Variants in ACAP1 observed in about 807,000 individuals in gnomAD.
ACAP1 encodes ArfGAP with coiled-coil, ankyrin repeat and PH domains 1, also known as arf-GAP with coiled-coil, ANK repeat and PH domain-containing protein 1.
Under a neutral mutation model 98.8 loss-of-function variants are expected in ACAP1, and 45 were observed. That is an observed-to-expected ratio of 0.46 (90% CI 0.36 to 0.58). The LOEUF is 0.58. Among genes scored for constraint, ACAP1 ranks in the 20% least tolerant of loss-of-function variants. The pLI is 0.00. For missense variants in ACAP1, 735 were observed against 971.4 expected (o/e 0.76, Z 3.24); for synonymous variants, 362 against 375.3 (o/e 0.96, Z 0.41).
chr17:7,348,594 C>A, intron 17 of ACAP1, 119 bp downstream of exon 17: 2 of 1,163,074 alleles, frequency 1.7e-6, no homozygotes, highest in Non-Finnish European at 2.3e-6. Flanking sequence ...TCGGAGGGAC[C>A]GGACTGCCGT....
Position 7,342,341 on chromosome 17 carries a change from A to C in ACAP1, c.285+13A>C. 1 of 1,614,144 alleles carries C rather than the reference A, an allele frequency of 6.2e-7. No individual in the cohort carries two copies. The highest frequency in any genetic ancestry group is 8.5e-7 in the Non-Finnish European group (1 of 1,180,006). On this transcript the variant is annotated intron_variant, in intron 4 of 21. Transcript: ENST00000158762. ...GGACAGCCATGCGGTAAGTAGGGGA[A>C]GGTAAGGATTGTCGGGGTGGTGGCC...
chr17:7,345,092 C>T (rs562535263), intron 10 of ACAP1, among the ~76,000 whole-genome samples: 2 of 152,072 alleles, frequency 1.3e-5, no homozygotes, highest in South Asian at 2.1e-4. Context: ...GAGATGAAAT[C>T]GGAGCTAATG....
At chr17:7,338,996 TAAC>T (rs2073248194) in intron 2 of ACAP1, among the ~76,000 whole-genome samples, 1 of 150,388 alleles carries the variant, frequency 6.6e-6, no homozygotes, top group Non-Finnish European at 1.5e-5. Flanking sequence ...ACATTACAAT[TAAC>T]AATAAACTCG....
intron 21 of ACAP1, 138 bp from the exon 22 acceptor site, chr17:7,351,157 G>C (rs2073406104): frequency 1.2e-5 from 13 of 1,100,882 alleles, no homozygotes; most frequent in African/African-American, 1.6e-5. Flanking sequence ...GCAAGGCATA[G>C]GTGCTGGCGC....
Position 7,343,800 on chromosome 17 carries a change from C to T in ACAP1, c.573+50C>T. On this transcript the variant is annotated intron_variant, in intron 7 of 21. Coordinates refer to ENST00000158762, the MANE Select transcript of ACAP1 (RefSeq NM_014716.4). This position sits in a 1 kb window ranked among gnomAD's most constrained non-coding sequence, Gnocchi z 4.9. ...AGGGTGGAGAAGAGCCTGCTGCCAG[C>T]ACAAGGGAATGGGGAGAGGGGTTCT... 6.2e-7 allele frequency: 1 copy of T among 1,613,240 alleles called. No individual in the cohort carries two copies. Among genetic ancestry groups the T allele is most frequent in the Non-Finnish European group, 8.5e-7 (1 of 1,179,574 alleles).
chr17:7,348,543 G>A (rs534504629), intron 17 of ACAP1, 68 bp downstream of exon 17: 1 of 1,426,676 alleles, frequency 7.0e-7, no homozygotes, highest in East Asian at 2.5e-5. Context: ...GTAGCGCCGG[G>A]AGGCACAGAG....
chr17:7,350,425 T>C lies in ACAP1; in HGVS notation c.2072+188T>C, dbSNP rs1191254738. The C allele has an allele frequency of 5.1e-6, 3 of 587,542 alleles. No homozygotes were observed. Among genetic ancestry groups the C allele is most frequent in the Admixed American group, 6.1e-5 (2 of 32,808 alleles). 36.4% of individuals were successfully genotyped at this position (587,542 alleles called of 1,614,324 possible). A position where few individuals can be genotyped will look rare whatever the true frequency, so the allele number is the denominator to read the frequency against. ...GCGAAGTGTGCACTGGGACGTGGAG[T>C]AGAAGGCAGGCGGGAGGGCGGGCAG... On this transcript the variant is annotated intron_variant, in intron 20 of 21. Coordinates refer to ENST00000158762, the MANE Select transcript of ACAP1 (RefSeq NM_014716.4). The surrounding 1 kb of genome is among the most constrained non-coding windows in gnomAD (Gnocchi z 4.6).
At position 7,350,843 on chromosome 17, in the gene ACAP1, C is replaced by G; in HGVS notation, c.2073-107C>G. The G allele has an allele frequency of 9.1e-7, 1 of 1,094,068 alleles. No individual in the cohort carries two copies. 67.8% of individuals were successfully genotyped at this position (1,094,068 alleles called of 1,614,324 possible). Reference sequence around the variant, plus strand: ...GCCAGGACGGTCTCGATCTCCTGACCTCGTGATCCGCCTGCCTCGGCCTCC... The same window carrying G: ...GCCAGGACGGTCTCGATCTCCTGACGTCGTGATCCGCCTGCCTCGGCCTCC... On this transcript the variant is annotated intron_variant, in intron 20 of 21. Coordinates refer to ENST00000158762, the MANE Select transcript of ACAP1 (RefSeq NM_014716.4). This position sits in a 1 kb window ranked among gnomAD's most constrained non-coding sequence, Gnocchi z 4.6.
rs2073325868 is a variant in ACAP1 at position 7,344,180 on chromosome 17, G to A, written c.744+57G>A. On this transcript the variant is annotated intron_variant, in intron 9 of 21. Coordinates refer to ENST00000158762, the MANE Select transcript of ACAP1 (RefSeq NM_014716.4). The surrounding 1 kb of genome is among the most constrained non-coding windows in gnomAD (Gnocchi z 4.9). ...TCATCCCAACATGTTGGGAGGCTGA[G>A]GTGGGAAGATTGCTTGAGGCCTGGA... The A allele has an allele frequency of 5.9e-6, 9 of 1,529,306 alleles. No individual in the cohort carries two copies. Among genetic ancestry groups the A allele is most frequent in the Admixed American group, 2.0e-5 (1 of 50,872 alleles). The allele number at this position is 1,529,306 out of a possible 1,614,324, so 94.7% of individuals were successfully genotyped here.
At chr17:7,348,052 G>A in intron 15 of ACAP1, 61 bp downstream of exon 15, 2 of 1,610,274 alleles carry the variant, frequency 1.2e-6, no homozygotes, top group Non-Finnish European at 1.7e-6. Flanking sequence ...GGACATGGCG[G>A]TGCAGGGGCG....
At position 7,342,008 on chromosome 17, in the gene ACAP1, G is replaced by T. The variant is rs1256701079; in HGVS notation, c.172G>T (p.Ala58Ser). Residue 58 changes from alanine to serine, a missense_variant, in exon 3 of 22, where the codon GCC (alanine) becomes TCC (serine). This residue lies in a region of ACAP1 where 430 missense variants were observed against 531.8 expected (regional missense o/e 0.81). Coordinates refer to ENST00000158762, the MANE Select transcript of ACAP1 (RefSeq NM_014716.4). ...SGRHYLAASR[A>S]FVVGICDLAR... ...GCGCCATTACCTTGCTGCCAGCCGC[G>T]CCTTCGTTGTCGGCATTTGTGACCT... 1 of 1,614,056 alleles carries T rather than the reference G, an allele frequency of 6.2e-7. No homozygotes were observed. Among genetic ancestry groups the T allele is most frequent in the Non-Finnish European group, 8.5e-7 (1 of 1,180,002 alleles).
At chr17:7,347,318 C>G in intron 14 of ACAP1, 76 bp downstream of exon 14, 1 of 1,340,194 alleles carries the variant, frequency 7.5e-7, no homozygotes, top group Non-Finnish European at 1.0e-6. Context: ...CGCATCACAC[C>G]GGCCCCTCTT....
chr17:7,348,519 C>T lies in ACAP1; in HGVS notation c.1678+44C>T, dbSNP rs939741673. 1.2e-5 allele frequency: 18 copies of T among 1,441,772 alleles called. No homozygotes were observed. In the East Asian group the frequency reaches 2.5e-4, roughly 20 times the overall value. The allele number at this position is 1,441,772 out of a possible 1,614,324, so 89.3% of individuals were successfully genotyped here. ...ATTCATTGAGCATCTGCTGTGTGCT[C>T]GGCATCGTGCCAGGTAGCGCCGGGA... is the stretch of plus-strand genomic sequence containing the variant. On this transcript the variant is annotated intron_variant, in intron 17 of 21. Transcript: ENST00000158762.
Position 7,343,265 on chromosome 17 carries a change from G to C in ACAP1, c.345-114G>C. On this transcript the variant is annotated intron_variant, in intron 5 of 21. Transcript: ENST00000158762. This position sits in a 1 kb window ranked among gnomAD's most constrained non-coding sequence, Gnocchi z 4.9. The stretch of plus-strand genomic sequence containing the variant: ...TGACTTCCGTCCCAGGGATCACCTT[G>C]GGTTTCCCACGTTGCAGAGACTAAC... 8.9e-7 allele frequency: 1 copy of C among 1,119,730 alleles called. No homozygotes were observed. The highest frequency in any genetic ancestry group is 1.6e-5 in the South Asian group (1 of 62,648). 69.4% of individuals were successfully genotyped at this position (1,119,730 alleles called of 1,614,324 possible).
intron 2 of ACAP1, among the ~76,000 whole-genome samples, chr17:7,339,089 A>G (rs150443939): frequency 0.011 from 1,468 of 138,648 alleles, 18 homozygotes; most frequent in African/African-American, 0.031. Flanking sequence ...AGGAGATCGA[A>G]ACCATCCTGG....
rs2073221791 is a variant in ACAP1 at position 7,336,637 on chromosome 17, C to T, written c.-98C>T. On this transcript the variant is annotated 5_prime_UTR_variant, in exon 1 of 22. Coordinates refer to ENST00000158762, the MANE Select transcript of ACAP1 (RefSeq NM_014716.4). The stretch of plus-strand genomic sequence containing the variant: ...CCCCGCGGAGGTCCCTCTCCTCCTT[C>T]CCCCTCATCTCCCCTTCCTGGGACA... 1.5e-6 allele frequency: 2 copies of T among 1,312,694 alleles called. No individual in the cohort carries two copies. The highest frequency in any genetic ancestry group is 2.2e-6 in the Non-Finnish European group (2 of 911,096). 81.3% of individuals were successfully genotyped at this position (1,312,694 alleles called of 1,614,324 possible).
intron 1 of ACAP1, 99 bp downstream of exon 1, chr17:7,336,886 G>T (rs1053096992): frequency 1.5e-6 from 2 of 1,357,218 alleles, no homozygotes; most frequent in Non-Finnish European, 2.1e-6. Flanking sequence ...CAGGGAGCAG[G>T]CCTCTAAGAG....
chr17:7,341,719 A>T (rs1468243583), intron 2 of ACAP1, among the ~76,000 whole-genome samples: 1 of 152,236 alleles, frequency 6.6e-6, no homozygotes, highest in Non-Finnish European at 1.5e-5. Context: ...AGGAATGGGC[A>T]GGAATTGGGT....
rs909026570 is a variant in ACAP1, at chr17:7,344,035, C to A, written c.670-14C>A. 1.2e-5 allele frequency: 19 copies of A among 1,587,068 alleles called. No homozygotes were observed. Among genetic ancestry groups the A allele is most frequent in the Non-Finnish European group, 1.6e-5 (19 of 1,166,198 alleles). On this transcript the variant is annotated splice_polypyrimidine_tract_variant and intron_variant, in intron 8 of 21. Transcript: ENST00000158762. The surrounding 1 kb of genome is among the most constrained non-coding windows in gnomAD (Gnocchi z 4.9). ...GGGGGCCTTGGACATCTGAGATGCC[C>A]TTCCTGTGCCCAGTTGCACCAGCTG...
Sources: gnomAD v4.1 joint callset for allele counts (sites outside exome capture counted in the v4.1 genomes callset) on GRCh38, gnomAD v4.1.1 for gene constraint, gnomAD v4.1.1 regional missense constraint, Gnocchi (gnomAD v3.1) non-coding constraint, MANE v1.5 for transcripts, NCBI Gene and HGNC (gene_info 2026-07-23, HGNC 2026-07-21) for gene names.